The following DYRK1B variants were observed in gnomAD, a reference collection of about 807,000 sequenced individuals.
The protein encoded by DYRK1B is dual specificity tyrosine phosphorylation regulated kinase 1B.
In DYRK1B, 20 loss-of-function variants were observed where a neutral mutation model predicts 57.1. The ratio of observed to expected loss-of-function variants is 0.35; its 90% confidence interval spans 0.25 to 0.51. The LOEUF is 0.51. Ranked by LOEUF, DYRK1B falls within the 20% of genes least tolerant of loss-of-function variation. The pLI, the probability that DYRK1B is intolerant of heterozygous loss-of-function variation, is 0.96. For synonymous variants in DYRK1B, 409 were observed against 384.7 expected, an observed-to-expected ratio of 1.06 and a Z score of -0.74; for missense variants, 732 against 886.3, an observed-to-expected ratio of 0.83 and a Z score of 2.21.
chr19:39,831,175 T>G (rs1968792177), intron 2 of DYRK1B, among the ~76,000 whole-genome samples: 1 of 152,110 alleles, frequency 6.6e-6, no homozygotes, highest in Admixed American at 6.5e-5. Context: ...CAATTTACCC[T>G]CATCCCTTGG....
chr19:39,826,880 G>A lies in DYRK1B; in HGVS notation c.1203C>T (p.Tyr401=). The change falls in exon 9 of 11, where the codon TAC becomes TAT. Residue 401 remains tyrosine (Y), a synonymous_variant. Coordinates refer to ENST00000323039, the MANE Select transcript of DYRK1B (RefSeq NM_004714.3). The surrounding 1 kb of genome is among the most constrained non-coding windows in gnomAD (Gnocchi z 6.3). ...GCAGCACCAGGTCCTGGAAGCGGAGGTAGTCGGCGGGGCTGTGGCCCGGCT... is the reference window on the plus strand; with the variant it reads ...GCAGCACCAGGTCCTGGAAGCGGAGATAGTCGGCGGGGCTGTGGCCCGGCT... ...AGEPGHSPAD[Y]LRFQDLVLRM... is the part of the protein sequence containing the mutation. The A allele has an allele frequency of 5.6e-6, 8 of 1,428,436 alleles. No homozygotes were observed. Among genetic ancestry groups the A allele is most frequent in the Non-Finnish European group, 7.3e-6 (8 of 1,098,378 alleles). 88.5% of individuals were successfully genotyped at this position (1,428,436 alleles called of 1,614,324 possible).
Position 39,828,224 on chromosome 19 carries a change from G to C in DYRK1B, c.807+73C>G. ...AATAATCCCATCCCAGCCAAGCCCCGCCCCTAAGCCTCCCGTTGGCTCTGC... is the reference window on the plus strand; with the variant it reads ...AATAATCCCATCCCAGCCAAGCCCCCCCCCTAAGCCTCCCGTTGGCTCTGC... On this transcript the variant is annotated intron_variant, in intron 6 of 10. Coordinates refer to ENST00000323039, the MANE Select transcript of DYRK1B (RefSeq NM_004714.3). The surrounding 1 kb of genome is among the most constrained non-coding windows in gnomAD (Gnocchi z 4.3). The C allele has an allele frequency of 5.4e-6, 8 of 1,481,714 alleles. No individual in the cohort carries two copies. Among genetic ancestry groups the C allele is most frequent in the Non-Finnish European group, 6.4e-6 (7 of 1,085,476 alleles). 91.8% of individuals were successfully genotyped at this position (1,481,714 alleles called of 1,614,324 possible). A position where few individuals can be genotyped will look rare whatever the true frequency, so the allele number is the denominator to read the frequency against.
rs1425367699 is a variant in DYRK1B at position 39,825,588 on chromosome 19, T to C, written c.*127A>G. On this transcript the variant is annotated 3_prime_UTR_variant, in exon 11 of 11. Transcript: ENST00000323039. ...CCCCCCTGCCCCAGGCCCCAATCAG[T>C]GCAGGCCTCACCCACCCCAGCTGGG... 9.6e-7 allele frequency: 1 copy of C among 1,040,416 alleles called. No individual in the cohort carries two copies. Among genetic ancestry groups the C allele is most frequent in the East Asian group, 2.6e-5 (1 of 38,636 alleles). The allele number at this position is 1,040,416 out of a possible 1,614,324, so 64.4% of individuals were successfully genotyped here.
intron 5 of DYRK1B, chr19:39,829,637 CA>C (rs1209424741): frequency 1.4e-5 from 6 of 426,734 alleles, no homozygotes; most frequent in African/African-American, 1.2e-4. Flanking sequence ...AGTTAACTTC[CA>C]AGTGCTTCCA....
chr19:39,827,829 G>GT (rs966346365), intron 6 of DYRK1B, among the ~76,000 whole-genome samples, 173 bp from the exon 7 acceptor site: 3 of 151,870 alleles, frequency 2.0e-5, no homozygotes, highest in Non-Finnish European at 4.4e-5. Flanking sequence ...GTGCCATCTT[G>GT]TTTATCAATC....
Position 39,828,644 on chromosome 19 carries a change from C to T in DYRK1B, c.521-61G>A, listed in dbSNP as rs1968657952. On this transcript the variant is annotated intron_variant, in intron 5 of 10. Transcript: ENST00000323039. This position sits in a 1 kb window ranked among gnomAD's most constrained non-coding sequence, Gnocchi z 4.3. ...ACGGCTCAGAGAGGGCAGGTGGTGG[C>T]CTGGGGTCATACAACGCTCTTTGAT... 6.5e-7 allele frequency: 1 copy of T among 1,530,500 alleles called. No homozygotes were observed. Among genetic ancestry groups the T allele is most frequent in the Non-Finnish European group, 8.9e-7 (1 of 1,127,872 alleles). The allele number at this position is 1,530,500 out of a possible 1,614,324, so 94.8% of individuals were successfully genotyped here. A position where few individuals can be genotyped will look rare whatever the true frequency, so the allele number is the denominator to read the frequency against.
chr19:39,826,369 C>A lies in DYRK1B; in HGVS notation c.1412-83G>T. Reference sequence around the variant, plus strand: ...GGTTTTGGGATGGCTGAGGGAAGGTCACGGCCCAGGCTCAGGTTCAGGCTT... The same window carrying A: ...GGTTTTGGGATGGCTGAGGGAAGGTAACGGCCCAGGCTCAGGTTCAGGCTT... On this transcript the variant is annotated intron_variant, in intron 9 of 10. Coordinates refer to ENST00000323039, the MANE Select transcript of DYRK1B (RefSeq NM_004714.3). This position sits in a 1 kb window ranked among gnomAD's most constrained non-coding sequence, Gnocchi z 6.3. 1 of 1,155,058 alleles carries A rather than the reference C, an allele frequency of 8.7e-7. No individual in the cohort carries two copies. Among genetic ancestry groups the A allele is most frequent in the South Asian group, 1.6e-5 (1 of 62,618 alleles). The allele number at this position is 1,155,058 out of a possible 1,614,324, so 71.6% of individuals were successfully genotyped here. A position where few individuals can be genotyped will look rare whatever the true frequency, so the allele number is the denominator to read the frequency against.
chr19:39,828,228 C>G lies in DYRK1B; in HGVS notation c.807+69G>C. The G allele has an allele frequency of 6.4e-7, 1 of 1,552,730 alleles. No individual in the cohort carries two copies. The highest frequency in any genetic ancestry group is 1.2e-5 in the South Asian group (1 of 83,606). On this transcript the variant is annotated intron_variant, in intron 6 of 10. Coordinates refer to ENST00000323039, the MANE Select transcript of DYRK1B (RefSeq NM_004714.3). The surrounding 1 kb of genome is among the most constrained non-coding windows in gnomAD (Gnocchi z 4.3). ...ATCCCATCCCAGCCAAGCCCCGCCC[C>G]TAAGCCTCCCGTTGGCTCTGCCCCA...
At position 39,828,490 on chromosome 19, in the gene DYRK1B, T is replaced by C; in HGVS notation, c.614A>G (p.His205Arg). Residue 205 changes from histidine (H) to arginine (R), a missense_variant, in exon 6 of 11, where the codon CAC (histidine) becomes CGC (arginine). By Grantham distance (29) the His-to-Arg change is conservative. This residue lies in a region of DYRK1B where 510 missense variants were observed against 681.3 expected (regional missense o/e 0.75). Coordinates refer to ENST00000323039, the MANE Select transcript of DYRK1B (RefSeq NM_004714.3). The surrounding 1 kb of genome is among the most constrained non-coding windows in gnomAD (Gnocchi z 4.3). ...YNLYDLLRNT[H>R]FRGVSLNLTR... is the part of the protein sequence containing the mutation. ...CAGGTTCAGCGAGACGCCGCGGAAGTGGGTGTTGCGCAGGAGGTCGTACAG... is the reference window on the plus strand; with the variant it reads ...CAGGTTCAGCGAGACGCCGCGGAAGCGGGTGTTGCGCAGGAGGTCGTACAG... The C allele has an allele frequency of 6.2e-7, 1 of 1,613,718 alleles. No individual in the cohort carries two copies. The highest frequency in any genetic ancestry group is 8.5e-7 in the Non-Finnish European group (1 of 1,179,882).
In DYRK1B at chr19:39,827,610, A is replaced by G; in HGVS notation, c.854T>C (p.Leu285Pro). The change falls in exon 7 of 11, where the codon CTC (leucine) becomes CCC (proline). Residue 285 changes from leucine (L) to proline (P), a missense_variant. Physicochemically the swap from Leu to Pro is moderately conservative, Grantham distance 98. This residue lies in a region of DYRK1B where 510 missense variants were observed against 681.3 expected (regional missense o/e 0.75). Coordinates refer to ENST00000323039, the MANE Select transcript of DYRK1B (RefSeq NM_004714.3). Reference protein sequence around the residue: ...QSRFYRSPEVLLGTPYDLAID... With the variant: ...QSRFYRSPEVPLGTPYDLAID... Reference sequence around the variant, plus strand: ...GGCCAGGTCGTAGGGTGTGCCCAGGAGCACCTCAGGTGAGCGGTAGAAGCG... The same window carrying G: ...GGCCAGGTCGTAGGGTGTGCCCAGGGGCACCTCAGGTGAGCGGTAGAAGCG... 6.2e-7 allele frequency: 1 copy of G among 1,614,088 alleles called. No homozygotes were observed. Among genetic ancestry groups the G allele is most frequent in the Non-Finnish European group, 8.5e-7 (1 of 1,179,984 alleles).
At position 39,826,091 on chromosome 19, in the gene DYRK1B, A is replaced by G. The variant is rs1327186761; in HGVS notation, c.1519-5T>C. ...CAGCGGCTGGGAGGGTGGGACCTAAAAAAGCAAAGGAGCCATGGGTGATGG... is the reference window on the plus strand; with the variant it reads ...CAGCGGCTGGGAGGGTGGGACCTAAGAAAGCAAAGGAGCCATGGGTGATGG... On this transcript the variant is annotated splice_polypyrimidine_tract_variant and splice_region_variant and intron_variant, in intron 10 of 10. Transcript: ENST00000323039. The surrounding 1 kb of genome is among the most constrained non-coding windows in gnomAD (Gnocchi z 6.3). 2 of 1,527,550 alleles carry G rather than the reference A, an allele frequency of 1.3e-6. No homozygotes were observed. The highest frequency in any genetic ancestry group is 8.8e-7 in the Non-Finnish European group (1 of 1,141,652). 94.6% of individuals were successfully genotyped at this position (1,527,550 alleles called of 1,614,324 possible). A position where few individuals can be genotyped will look rare whatever the true frequency, so the allele number is the denominator to read the frequency against.
chr19:39,825,956 C>A lies in DYRK1B; in HGVS notation c.1649G>T (p.Gly550Val), dbSNP rs577233094. Reference protein sequence around the residue: ...AQLPPQPRYLGRPPSPTSPPP... With the variant: ...AQLPPQPRYLVRPPSPTSPPP... ...TGGTGAGGTTGGTGATGGGGGACGA[C>A]CAAGGTATCGGGGCTGGGGGGGTAA... The change falls in exon 11 of 11, where the codon GGT becomes GTT. Residue 550 changes from glycine (G) to valine (V), a missense_variant. Around this residue, in one of 2 missense-constraint regions of DYRK1B, gnomAD observed 222 missense variants for 205.0 expected, o/e 1.08. Transcript: ENST00000323039. The A allele has an allele frequency of 6.5e-7, 1 of 1,529,934 alleles. No homozygotes were observed. Among genetic ancestry groups the A allele is most frequent in the South Asian group, 1.3e-5 (1 of 77,348 alleles). The allele number at this position is 1,529,934 out of a possible 1,614,324, so 94.8% of individuals were successfully genotyped here.
chr19:39,826,601 G>C lies in DYRK1B; in HGVS notation c.1411+71C>G. The C allele has an allele frequency of 1.4e-6, 2 of 1,435,608 alleles. No individual in the cohort carries two copies. Among genetic ancestry groups the C allele is most frequent in the South Asian group, 1.4e-5 (1 of 70,146 alleles). 88.9% of individuals were successfully genotyped at this position (1,435,608 alleles called of 1,614,324 possible). On this transcript the variant is annotated intron_variant, in intron 9 of 10. Coordinates refer to ENST00000323039, the MANE Select transcript of DYRK1B (RefSeq NM_004714.3). This position sits in a 1 kb window ranked among gnomAD's most constrained non-coding sequence, Gnocchi z 6.3. ...GCTTTGTGTGAAGACCCAGTAACCA[G>C]GTCCCCCAGGACAGGCCAAACCTGA...
chr19:39,832,834 A>C (rs909075117), intron 1 of DYRK1B: 2 of 871,654 alleles, frequency 2.3e-6, no homozygotes, highest in East Asian at 2.4e-4. Context: ...ATCCCATCCC[A>C]ATCAAGGCCC....
At position 39,830,655 on chromosome 19, in the gene DYRK1B, C is replaced by T. The variant is rs745682157; in HGVS notation, c.183+9G>A. On this transcript the variant is annotated intron_variant, in intron 3 of 10. Transcript: ENST00000323039. The stretch of plus-strand genomic sequence containing the variant: ...GCACCCAGCCCAGGATCCCCCAGCC[C>T]CTGCCCACCTCATTGATGTGCTTGT... 10 of 1,613,334 alleles carry T rather than the reference C, an allele frequency of 6.2e-6. No homozygotes were observed. Among genetic ancestry groups the T allele is most frequent in the East Asian group, 2.2e-5 (1 of 44,880 alleles).
Position 39,825,400 on chromosome 19 carries a change from C to A in DYRK1B, c.*315G>T. The A allele has an allele frequency of 2.9e-6, 1 of 349,960 alleles. No individual in the cohort carries two copies. Among genetic ancestry groups the A allele is most frequent in the Admixed American group, 4.4e-5 (1 of 22,648 alleles). 21.7% of individuals were successfully genotyped at this position (349,960 alleles called of 1,614,324 possible). On this transcript the variant is annotated 3_prime_UTR_variant, in exon 11 of 11. Coordinates refer to ENST00000323039, the MANE Select transcript of DYRK1B (RefSeq NM_004714.3). The stretch of plus-strand genomic sequence containing the variant: ...ACAGCGAGGAGGAGCAAGGCCATCT[C>A]CCCCTACCTGCCCCCACCCCCTCCT...
chr19:39,828,239 G>C lies in DYRK1B; in HGVS notation c.807+58C>G. ...GCCAAGCCCCGCCCCTAAGCCTCCC[G>C]TTGGCTCTGCCCCACCCAAACTACT... is the stretch of plus-strand genomic sequence containing the variant. On this transcript the variant is annotated intron_variant, in intron 6 of 10. Transcript: ENST00000323039. The surrounding 1 kb of genome is among the most constrained non-coding windows in gnomAD (Gnocchi z 4.3). The C allele has an allele frequency of 6.4e-7, 1 of 1,567,770 alleles. No homozygotes were observed. The highest frequency in any genetic ancestry group is 8.7e-7 in the Non-Finnish European group (1 of 1,150,920).
At chr19:39,832,758 T>C (rs1445430153) in intron 1 of DYRK1B, among the ~76,000 whole-genome samples, 1 of 152,118 alleles carries the variant, frequency 6.6e-6, no homozygotes, top group Non-Finnish European at 1.5e-5. Context: ...GCCTTCCAGG[T>C]AGTCTCCCTG....
Position 39,826,320 on chromosome 19 carries a change from T to TAAGGTGAGAG in DYRK1B, c.1412-44_1412-35dup. ...GCCAGGGAGGAGAGGTGAAGGGGCA[T>TAAGGTGAGAG]AAGGTGAGAGAAGGTGGCGAGTGGG... On this transcript the variant is annotated intron_variant, in intron 9 of 10. Coordinates refer to ENST00000323039, the MANE Select transcript of DYRK1B (RefSeq NM_004714.3). This position sits in a 1 kb window ranked among gnomAD's most constrained non-coding sequence, Gnocchi z 6.3. 6.6e-7 allele frequency: 1 copy of TAAGGTGAGAG among 1,509,626 alleles called. No homozygotes were observed. 93.5% of individuals were successfully genotyped at this position (1,509,626 alleles called of 1,614,324 possible).
Sources: allele counts gnomAD v4.1 joint callset (sites outside exome capture counted in the v4.1 genomes callset), GRCh38; gene constraint gnomAD v4.1.1; regional missense constraint gnomAD v4.1.1; non-coding constraint Gnocchi (gnomAD v3.1); transcripts MANE v1.5; gene names NCBI Gene and HGNC (gene_info 2026-07-23, HGNC 2026-07-21).